The following ATAD5 variants were observed in gnomAD, a reference collection of about 807,000 sequenced individuals.
The protein encoded by ATAD5 is ATPase family AAA domain-containing protein 5.
In ATAD5, 58 loss-of-function variants were observed where a neutral mutation model predicts 176.9. That is an observed-to-expected ratio of 0.33 (90% CI 0.27 to 0.41). The LOEUF (loss-of-function observed/expected upper bound fraction) is 0.41. Among genes scored for constraint, ATAD5 ranks in the 10% least tolerant of loss-of-function variants. The pLI is 1.00. For synonymous variants in ATAD5, 640 were observed against 712.6 expected (o/e 0.90, Z 1.62); for missense variants, 1,789 against 2,094.1 (o/e 0.85, Z 2.84).
chr17:30,893,736 GTCC>G lies in ATAD5; in HGVS notation c.4888_4890del (p.Pro1630del). ...CCAGAGACAAAGAAATCTATTCCTT[GTCC>G]TCCTAAAACAACTGCAGGAAAAAAA... On this transcript the variant is annotated inframe_deletion, in exon 21 of 23. Transcript: ENST00000321990. 6.2e-7 allele frequency: 1 copy of G among 1,613,974 alleles called. No homozygotes were observed. Among genetic ancestry groups the G allele is most frequent in the South Asian group, 1.1e-5 (1 of 91,074 alleles).
chr17:30,883,093 A>G (rs1909118699), intron 18 of ATAD5, among the ~76,000 whole-genome samples: 1 of 149,770 alleles, frequency 6.7e-6, no homozygotes, highest in African/African-American at 2.5e-5. Context: ...CCCCATCTCT[A>G]CTTTGTGCTA....
chr17:30,895,057 A>G lies in ATAD5; in HGVS notation c.*144A>G, dbSNP rs912841521. 1.4e-5 allele frequency: 7 copies of G among 516,064 alleles called. No individual in the cohort carries two copies. The highest frequency in any genetic ancestry group is 1.9e-5 in the Non-Finnish European group (6 of 314,822). 32.0% of individuals were successfully genotyped at this position (516,064 alleles called of 1,614,324 possible). A position where few individuals can be genotyped will look rare whatever the true frequency, so the allele number is the denominator to read the frequency against. On this transcript the variant is annotated 3_prime_UTR_variant, in exon 23 of 23. Coordinates refer to ENST00000321990, the MANE Select transcript of ATAD5 (RefSeq NM_024857.5). The stretch of plus-strand genomic sequence containing the variant: ...TGTATATTTTTTTATTGGCGGGTAA[A>G]TATTTAAAATATTTGAGTTACAAAT...
In ATAD5 at chr17:30,887,390, T is replaced by G. The variant is rs1382460094; in HGVS notation, c.4258+18T>G. 2 of 1,577,560 alleles carry G rather than the reference T, an allele frequency of 1.3e-6. No homozygotes were observed. The highest frequency in any genetic ancestry group is 3.9e-5 in the Admixed American group (2 of 51,618). On this transcript the variant is annotated intron_variant, in intron 19 of 22. Coordinates refer to ENST00000321990, the MANE Select transcript of ATAD5 (RefSeq NM_024857.5). ...CCTTTATCGTAAGTTGATTTGTTATTAAAGAAATTTCTATTATGGGACCCT... is the reference window on the plus strand; with the variant it reads ...CCTTTATCGTAAGTTGATTTGTTATGAAAGAAATTTCTATTATGGGACCCT...
chr17:30,869,636 C>T lies in ATAD5; in HGVS notation c.3597C>T (p.Gly1199=), dbSNP rs1321757000. ...GTTTTTTTAATAGCTACTACATAGGCAAGTCACCAAGTAAGTAAACTATTT... is the reference window on the plus strand; with the variant it reads ...GTTTTTTTAATAGCTACTACATAGGTAAGTCACCAAGTAAGTAAACTATTT... ...KPCFFNSYYI[G]KSPKKISSPK... The change falls in exon 14 of 23, where the codon GGC becomes GGT. Residue 1199 remains glycine (G), a synonymous_variant. Coordinates refer to ENST00000321990, the MANE Select transcript of ATAD5 (RefSeq NM_024857.5). 2.5e-6 allele frequency: 4 copies of T among 1,586,694 alleles called. No individual in the cohort carries two copies. In the East Asian group the frequency reaches 9.0e-5, roughly 36 times the overall value.
At chr17:30,851,771 C>T (rs1053340021) in intron 6 of ATAD5, among the ~76,000 whole-genome samples, 7 of 152,104 alleles carry the variant, frequency 4.6e-5, no homozygotes, top group African/African-American at 7.2e-5. Context: ...TTAGTAGAGA[C>T]GGGGTTTTGC....
At chr17:30,841,134 C>T (rs1906088190) in intron 4 of ATAD5, among the ~76,000 whole-genome samples, 1 of 152,054 alleles carries the variant, frequency 6.6e-6, no homozygotes, top group Admixed American at 6.6e-5. Flanking sequence ...CTCGGCCTCC[C>T]AAGTAGCTGA....
In ATAD5 at chr17:30,834,958, T is replaced by C. The variant is rs1206570228; in HGVS notation, c.877T>C (p.Ser293Pro). 2.5e-6 allele frequency: 4 copies of C among 1,614,028 alleles called. No homozygotes were observed. The highest frequency in any genetic ancestry group is 3.4e-6 in the Non-Finnish European group (4 of 1,179,970). The change falls in exon 2 of 23, where the codon TCT becomes CCT. Residue 293 changes from serine to proline, a missense_variant. Coordinates refer to ENST00000321990, the MANE Select transcript of ATAD5 (RefSeq NM_024857.5). ...PDSTMSICVP[S>P]ETVDEIVKSG... ...CTCTACAATGTCAATTTGTGTTCCT[T>C]CTGAAACTGTCGACGAAATAGTCAA...
intron 10 of ATAD5, among the ~76,000 whole-genome samples, chr17:30,865,144 A>G (rs1907897156): frequency 6.6e-6 from 1 of 151,946 alleles, no homozygotes; most frequent in Admixed American, 6.6e-5. Context: ...CCTAAAAAAA[A>G]AAAAACCAAT....
At chr17:30,870,044 G>A (rs1251367649) in intron 14 of ATAD5, among the ~76,000 whole-genome samples, 1 of 152,072 alleles carries the variant, frequency 6.6e-6, no homozygotes, top group Non-Finnish European at 1.5e-5. Flanking sequence ...AGCCTAGAAG[G>A]TTGAGGCTGC....
At chr17:30,845,856 G>C (rs889523995) in intron 6 of ATAD5, among the ~76,000 whole-genome samples, 2 of 152,056 alleles carry the variant, frequency 1.3e-5, no homozygotes, top group Non-Finnish European at 2.9e-5. Flanking sequence ...AAAATCCCTC[G>C]ATGATTAATG....
Position 30,862,445 on chromosome 17 carries a change from A to G in ATAD5, c.3136+1833A>G, listed in dbSNP as rs567645708. 7.2e-5 allele frequency among the ~76,000 whole-genome samples: 11 copies of G among 151,842 alleles called. No individual in the cohort carries two copies. In the South Asian group the frequency reaches 2.3e-3, roughly 32 times the overall value. On this transcript the variant is annotated intron_variant, in intron 10 of 22. Coordinates refer to ENST00000321990, the MANE Select transcript of ATAD5 (RefSeq NM_024857.5). ...TGACATGTTCTCATTCAGTTTATTTATTTACTTTTTTTGAGACAGTTTTGC... is the reference window on the plus strand; with the variant it reads ...TGACATGTTCTCATTCAGTTTATTTGTTTACTTTTTTTGAGACAGTTTTGC...
intron 3 of ATAD5, 62 bp downstream of exon 3, chr17:30,837,376 A>C: frequency 3.6e-6 from 4 of 1,104,934 alleles, no homozygotes. Flanking sequence ...ACAAACAAAA[A>C]ACCCCCACAT....
At chr17:30,836,180 C>CT (rs369574586) in intron 2 of ATAD5, 132 bp downstream of exon 2, 44,928 of 629,752 alleles carry the variant, frequency 0.071, no homozygotes, top group Middle Eastern at 0.093. Flanking sequence ...AACAGGATTT[C>CT]TTTTTTTTTT....
chr17:30,862,225 T>C (rs1353163929), intron 10 of ATAD5, among the ~76,000 whole-genome samples: 1 of 150,994 alleles, frequency 6.6e-6, no homozygotes, highest in East Asian at 2.1e-4. Context: ...TCCCAGCTAC[T>C]TGGGAGGCCG....
intron 10 of ATAD5, among the ~76,000 whole-genome samples, chr17:30,865,322 G>A (rs992456823): frequency 1.3e-5 from 2 of 151,840 alleles, no homozygotes; most frequent in Non-Finnish European, 2.9e-5. Flanking sequence ...ACAGGCCCCC[G>A]CCACCACGCC....
chr17:30,868,458 T>G, intron 12 of ATAD5, 46 bp downstream of exon 12: 2 of 1,306,330 alleles, frequency 1.5e-6, no homozygotes, highest in Non-Finnish European at 2.0e-6. Flanking sequence ...TCACTGAACA[T>G]TTTTAGAGTT....
Position 30,832,117 on chromosome 17 carries a change from C to G in ATAD5, c.-231C>G, listed in dbSNP as rs117838382. ...CACCCTGCATACACTGGCCGCGCCTCAGGGATCTCATTGCCCGCGCTTTCT... is the reference window on the plus strand; with the variant it reads ...CACCCTGCATACACTGGCCGCGCCTGAGGGATCTCATTGCCCGCGCTTTCT... On this transcript the variant is annotated 5_prime_UTR_variant, in exon 1 of 23. Coordinates refer to ENST00000321990, the MANE Select transcript of ATAD5 (RefSeq NM_024857.5). 2.0e-3 allele frequency: 802 copies of G among 397,138 alleles called. 3 individuals carry two copies. Among genetic ancestry groups the G allele is most frequent in the Middle Eastern group, 5.1e-3 (8 of 1,564 alleles). 24.6% of individuals were successfully genotyped at this position (397,138 alleles called of 1,614,324 possible).
intron 3 of ATAD5, among the ~76,000 whole-genome samples, chr17:30,839,903 T>C (rs1045630210): frequency 2.0e-5 from 3 of 151,678 alleles, no homozygotes; most frequent in African/African-American, 7.3e-5. Flanking sequence ...CTTTATCATA[T>C]ATAAGAAGCT....
intron 21 of ATAD5, 108 bp downstream of exon 21, chr17:30,894,258 C>T: frequency 3.0e-6 from 3 of 1,006,244 alleles, no homozygotes; most frequent in Non-Finnish European, 4.2e-6. Context: ...TCATGGTAAG[C>T]CCTTAACATT....
Sources: gnomAD v4.1 joint callset for allele counts (sites outside exome capture counted in the v4.1 genomes callset) on GRCh38, gnomAD v4.1.1 for gene constraint, MANE v1.5 for transcripts, NCBI Gene and HGNC (gene_info 2026-07-23, HGNC 2026-07-21) for gene names.